Variants in ADGRE3 observed in about 807,000 individuals in gnomAD.
ADGRE3 encodes EGF-like module receptor 3.
Under a neutral mutation model 80.1 loss-of-function variants are expected in ADGRE3, and 88 were observed. That is an observed-to-expected ratio of 1.10 (90% CI 0.93 to 1.31). ADGRE3 has a LOEUF of 1.31. ADGRE3 is among the 40% of genes most tolerant of loss of function. The pLI, the probability that ADGRE3 is intolerant of heterozygous loss-of-function variation, is 0.00. For missense variants in ADGRE3, 715 were observed against 776.5 expected, an observed-to-expected ratio of 0.92 and a Z score of 0.94; for synonymous variants, 281 against 294.8, an observed-to-expected ratio of 0.95 and a Z score of 0.48.
chr19:14,645,980 TAA>T (rs1268345613), intron 8 of ADGRE3, among the ~76,000 whole-genome samples: 2 of 152,142 alleles, frequency 1.3e-5, no homozygotes, highest in Non-Finnish European at 2.9e-5. Context: ...TCAAAAAAGG[TAA>T]AGATATAGAT....
chr19:14,611,371 CTTTTTTTTTTTTT>C, the ADGRE3 span, among the ~76,000 whole-genome samples: 1 of 75,972 alleles, frequency 1.3e-5, no homozygotes, highest in Non-Finnish European at 2.5e-5. Flanking sequence ...AACTTCTATC[CTTTTTTTTTTTTT>C]TTTTTTTTTT....
At chr19:14,660,317 C>T (rs1484387515) in intron 4 of ADGRE3, among the ~76,000 whole-genome samples, 1 of 152,116 alleles carries the variant, frequency 6.6e-6, no homozygotes, top group Admixed American at 6.6e-5. Context: ...AATAGAGGTG[C>T]GCATTGCTTA....
At chr19:14,658,417 C>T in intron 5 of ADGRE3, 96 bp downstream of exon 5, 4 of 682,106 alleles carry the variant, frequency 5.9e-6, no homozygotes, top group Admixed American at 3.3e-5. Flanking sequence ...TATATTTTGC[C>T]CTAAATCCAT....
chr19:14,637,401 T>TTC (rs1406555689), intron 11 of ADGRE3, among the ~76,000 whole-genome samples: 2 of 151,334 alleles, frequency 1.3e-5, no homozygotes, highest in African/African-American at 4.9e-5. Flanking sequence ...CTCTTTTTTT[T>TTC]TTTTTTTTTT....
chr19:14,633,076 T>G, intron 12 of ADGRE3, 64 bp from the exon 13 acceptor site: 1 of 1,405,224 alleles, frequency 7.1e-7, no homozygotes. Context: ...CCACTTTAAA[T>G]TGCACACAGG....
chr19:14,669,961 G>A lies in ADGRE3; in HGVS notation c.26-1109C>T, dbSNP rs999533873. Reference sequence around the variant, plus strand: ...GTGAGGGTTGAAAAATTACCTATTCGGTACAATGTTTAATGTTTGGGTGAT... The same window carrying A: ...GTGAGGGTTGAAAAATTACCTATTCAGTACAATGTTTAATGTTTGGGTGAT... On this transcript the variant is annotated intron_variant, in intron 1 of 15. Transcript: ENST00000253673. 2.0e-5 allele frequency among the ~76,000 whole-genome samples: 3 copies of A among 152,074 alleles called. No homozygotes were observed. In the East Asian group the frequency reaches 5.8e-4, roughly 29 times the overall value.
chr19:14,620,548 T>TTATATATATATATATATA (rs1555753132), intron 15 of ADGRE3, among the ~76,000 whole-genome samples: 2 of 24,976 alleles, frequency 8.0e-5, no homozygotes, highest in African/African-American at 4.3e-4. Context: ...TATATATATA[T>TTATATATATATATATATA]TATATATATA....
At chr19:14,668,740 A>T (rs1431692074) in intron 2 of ADGRE3, 62 bp downstream of exon 2, 1 of 1,443,422 alleles carries the variant, frequency 6.9e-7, no homozygotes, top group African/African-American at 1.4e-5. Flanking sequence ...ACTGGAGACC[A>T]TGAGTGGCTC....
chr19:14,644,324 TC>T, intron 8 of ADGRE3, 49 bp from the exon 9 acceptor site: 6 of 1,317,846 alleles, frequency 4.6e-6, no homozygotes, highest in Non-Finnish European at 5.0e-6. Context: ...TTTCTTTCTT[TC>T]TTTTTTTTTT....
chr19:14,646,668 CCTCCCT>C (rs1971409681), intron 8 of ADGRE3, among the ~76,000 whole-genome samples: 2 of 77,152 alleles, frequency 2.6e-5, no homozygotes, highest in Admixed American at 1.5e-4. Flanking sequence ...TTCCTCCCTC[CCTCCCT>C]CCCTCCCTCC....
At chr19:14,653,355 T>G (rs1480943712) in intron 6 of ADGRE3, among the ~76,000 whole-genome samples, 2 of 152,178 alleles carry the variant, frequency 1.3e-5, no homozygotes, top group Non-Finnish European at 2.9e-5. Context: ...TTTGACTTGT[T>G]TTTATATTAT....
chr19:14,621,353 G>T (rs962081887), intron 15 of ADGRE3, among the ~76,000 whole-genome samples: 5 of 152,168 alleles, frequency 3.3e-5, no homozygotes, highest in African/African-American at 1.2e-4. Flanking sequence ...TACTGGGGAG[G>T]CTGAGGCAGG....
intron 2 of ADGRE3, among the ~76,000 whole-genome samples, chr19:14,664,749 A>G (rs547995615): frequency 6.6e-6 from 1 of 152,080 alleles, no homozygotes; most frequent in East Asian, 1.9e-4. Context: ...GTATGGTACC[A>G]TGGGAGGGAG....
the ADGRE3 span, chr19:14,610,192 G>A: frequency 1.3e-6 from 2 of 1,563,312 alleles, no homozygotes; most frequent in Non-Finnish European, 1.7e-6. Flanking sequence ...AAATGTTCCT[G>A]TTGAAGCCCA....
chr19:14,606,737 A>C, the ADGRE3 span, among the ~76,000 whole-genome samples: 79 of 152,146 alleles, frequency 5.2e-4, no homozygotes, highest in Admixed American at 1.2e-3. Context: ...GCTACTGTGA[A>C]CCCATTTTAC....
chr19:14,653,950 T>TG (rs58515247), intron 6 of ADGRE3, among the ~76,000 whole-genome samples: 111,392 of 147,260 alleles, frequency 0.76, 42,052 homozygotes, highest in South Asian at 0.87. Context: ...TGTGTGTTTT[T>TG]TTTTTTTTTT....
chr19:14,660,937 C>CTTTTTTT (rs35730102), intron 4 of ADGRE3, among the ~76,000 whole-genome samples: 3 of 83,512 alleles, frequency 3.6e-5, no homozygotes, highest in African/African-American at 9.4e-5. Context: ...GTCATATTTC[C>CTTTTTTT]TTTTTTTTTT....
rs201490623 is a variant in ADGRE3, at chr19:14,651,143, G to C, written c.639C>G (p.Asn213Lys). The change falls in exon 7 of 16, where the codon AAC becomes AAG. Residue 213 changes from asparagine (N) to lysine (K), a missense_variant. Transcript: ENST00000253673. ...CSEERKTFNL[N>K]VQMNSMDIRC... ...GGATGTCCATTGAGTTCATTTGGAC[G>C]TTCAAGTTGAATGTCTTTCTTTCTT... The C allele has an allele frequency of 1.2e-6, 2 of 1,613,614 alleles. No homozygotes were observed. The highest frequency in any genetic ancestry group is 1.7e-6 in the Non-Finnish European group (2 of 1,179,548).
chr19:14,632,748 A>C (rs1283554539), intron 13 of ADGRE3, among the ~76,000 whole-genome samples, 173 bp downstream of exon 13: 2 of 151,432 alleles, frequency 1.3e-5, no homozygotes, highest in Non-Finnish European at 2.9e-5. Context: ...TCTTTATCAC[A>C]GCAGCTTAGC....
Sources: allele counts gnomAD v4.1 joint callset (sites outside exome capture counted in the v4.1 genomes callset), GRCh38; gene constraint gnomAD v4.1.1; transcripts MANE v1.5; gene names NCBI Gene and HGNC (gene_info 2026-07-23, HGNC 2026-07-21).